Variants in CYP2B6 observed in about 807,000 individuals in gnomAD.
CYP2B6 encodes cytochrome P450 family 2 subfamily B member 6.
Under a neutral mutation model 43.4 loss-of-function variants are expected in CYP2B6, and 35 were observed. The observed-to-expected ratio is 0.81, with a 90% CI of 0.62 to 1.07. The LOEUF is 1.07. CYP2B6 is among the 50% of genes least tolerant of loss of function. The pLI, the probability that CYP2B6 is intolerant of heterozygous loss-of-function variation, is 0.00. For synonymous variants in CYP2B6, 239 were observed against 239.2 expected (o/e 1.00, Z 0.01); for missense variants, 624 against 632.8 (o/e 0.99, Z 0.15).
chr19:41,012,748 T>C lies in CYP2B6; in HGVS notation c.1227T>C (p.Asn409=), dbSNP rs1335878430. 1 of 1,614,184 alleles carries C rather than the reference T, an allele frequency of 6.2e-7. No homozygotes were observed. Among genetic ancestry groups the C allele is most frequent in the Admixed American group, 1.7e-5 (1 of 60,020 alleles). Residue 409 remains asparagine, a synonymous_variant, in exon 8 of 9, where the codon AAT becomes AAC. Coordinates refer to ENST00000324071, the MANE Select transcript of CYP2B6 (RefSeq NM_000767.5). ...PHYFEKPDAF[N]PDHFLDANGA... ...ACTTTGAAAAACCAGACGCCTTCAA[T>C]CCTGACCACTTTCTGGATGCCAATG... is the stretch of plus-strand genomic sequence containing the variant.
At chr19:41,006,119 AG>A in intron 3 of CYP2B6, among the ~76,000 whole-genome samples, 1 of 152,046 alleles carries the variant, frequency 6.6e-6, no homozygotes, top group Non-Finnish European at 1.5e-5. Flanking sequence ...GAAGAGATTA[AG>A]GGGGAGTAAT....
At chr19:41,016,399 C>CAAAAAAAAA (rs869180190) in intron 8 of CYP2B6, among the ~76,000 whole-genome samples, 51 of 76,862 alleles carry the variant, frequency 6.6e-4, no homozygotes, top group Non-Finnish European at 1.0e-3. Flanking sequence ...GACTCCATCT[C>CAAAAAAAAA]AAAAAAAAAA....
At position 40,991,285 on chromosome 19, in the gene CYP2B6, C is replaced by A. The variant is rs759060032; in HGVS notation, c.-21C>A. 3.1e-6 allele frequency: 5 copies of A among 1,613,796 alleles called. No homozygotes were observed. Among genetic ancestry groups the A allele is most frequent in the Non-Finnish European group, 4.2e-6 (5 of 1,179,934 alleles). On this transcript the variant is annotated 5_prime_UTR_variant, in exon 1 of 9. Transcript: ENST00000324071. ...CCCAGTTGGAGGCTGCAGCAGGGTGCAGGGCAGTCAGACCAGGACCATGGA... is the reference window on the plus strand; with the variant it reads ...CCCAGTTGGAGGCTGCAGCAGGGTGAAGGGCAGTCAGACCAGGACCATGGA...
At chr19:41,006,141 G>A (rs1170796723) in intron 3 of CYP2B6, among the ~76,000 whole-genome samples, 2 of 151,884 alleles carry the variant, frequency 1.3e-5, no homozygotes, top group Admixed American at 6.6e-5. Flanking sequence ...AGGTAGGGGT[G>A]GAAAGATGGT....
rs1969137481 is a variant in CYP2B6 at position 41,004,125 on chromosome 19, G to GA, written c.301dup (p.Ile101AsnfsTer118). Reference sequence around the variant, plus strand: ...AAGGCTGAGGCCTTCTCTGGCCGGGGAAAAATCGCCATGGTCGACCCATTC... The same window carrying GA: ...AAGGCTGAGGCCTTCTCTGGCCGGGGAAAAAATCGCCATGGTCGACCCATTC... On this transcript the variant is annotated frameshift_variant, in exon 2 of 9. Coordinates refer to ENST00000324071, the MANE Select transcript of CYP2B6 (RefSeq NM_000767.5). LOFTEE classifies it high-confidence loss of function. 1 of 1,380,236 alleles carries GA rather than the reference G, an allele frequency of 7.2e-7. No individual in the cohort carries two copies. The highest frequency in any genetic ancestry group is 9.6e-7 in the Non-Finnish European group (1 of 1,044,306). The allele number at this position is 1,380,236 out of a possible 1,614,324, so 85.5% of individuals were successfully genotyped here.
chr19:41,002,189 T>G (rs570051761), intron 1 of CYP2B6, among the ~76,000 whole-genome samples: 5 of 152,214 alleles, frequency 3.3e-5, no homozygotes, highest in South Asian at 4.1e-4. Flanking sequence ...TGGATATTAA[T>G]TATTTTACAT....
Position 41,009,266 on chromosome 19 carries a change from C to G in CYP2B6, c.693C>G (p.His231Gln), listed in dbSNP as rs1969240411. Residue 231 changes from histidine to glutamine, a missense_variant, in exon 5 of 9, where the codon CAC becomes CAG. By Grantham distance (24) the His-to-Gln change is conservative (BLOSUM62 0). Transcript: ENST00000324071. ...SGFLKYFPGA[H>Q]RQVYKNLQEI... is the part of the protein sequence containing the mutation. Reference sequence around the variant, plus strand: ...TCTTGAAATACTTTCCTGGGGCACACAGGCAAGTTTACAAAAACCTGCAGG... The same window carrying G: ...TCTTGAAATACTTTCCTGGGGCACAGAGGCAAGTTTACAAAAACCTGCAGG... 1 of 1,612,880 alleles carries G rather than the reference C, an allele frequency of 6.2e-7. No homozygotes were observed. Among genetic ancestry groups the G allele is most frequent in the Non-Finnish European group, 8.5e-7 (1 of 1,179,526 alleles).
rs185003761 is a variant in CYP2B6, at chr19:41,004,808, A to G, written c.484+362A>G. ...GTTGGAGAACAGCCTGGGCAACATA[A>G]TGAGATCCTGTCTCTACACAATATA... On this transcript the variant is annotated intron_variant, in intron 3 of 8. Coordinates refer to ENST00000324071, the MANE Select transcript of CYP2B6 (RefSeq NM_000767.5). 2.6e-3 allele frequency among the ~76,000 whole-genome samples: 395 copies of G among 152,064 alleles called. 5 individuals carry two copies. The highest frequency in any genetic ancestry group is 3.6e-3 in the Non-Finnish European group (245 of 67,984).
chr19:41,010,541 G>T lies in CYP2B6; in HGVS notation c.964+406G>T, dbSNP rs34842746. On this transcript the variant is annotated intron_variant, in intron 6 of 8. Transcript: ENST00000324071. ...CCATTCTCCTGCCTCAGCTTCCCGA[G>T]TAGCTGGAACTACAGGCGCCTGCCA... Among the ~76,000 whole-genome samples, 1,397 of 151,800 alleles carry T rather than the reference G, an allele frequency of 9.2e-3. 13 individuals are homozygous for T. Among genetic ancestry groups the T allele is most frequent in the Middle Eastern group, 0.034 (10 of 290 alleles).
chr19:41,000,876 T>TA (rs1969073087), intron 1 of CYP2B6, among the ~76,000 whole-genome samples: 1 of 151,864 alleles, frequency 6.6e-6, no homozygotes, highest in Non-Finnish European at 1.5e-5. Flanking sequence ...CTGTCTGTAC[T>TA]AAAAAACACA....
chr19:41,011,172 C>T (rs1356585648), intron 6 of CYP2B6, among the ~76,000 whole-genome samples: 1 of 152,198 alleles, frequency 6.6e-6, no homozygotes, highest in East Asian at 1.9e-4. Flanking sequence ...AGGTTTCACT[C>T]TTATCCTTCC....
chr19:41,016,865 A>G lies in CYP2B6; in HGVS notation c.*38A>G. ...AAGGGGGTCAAAGGATTCCAGGGTC[A>G]TTCAGTGTCCCCGCCTCTGTAGACA... On this transcript the variant is annotated 3_prime_UTR_variant, in exon 9 of 9. Transcript: ENST00000324071. 6.3e-7 allele frequency: 1 copy of G among 1,580,754 alleles called. No homozygotes were observed. Among genetic ancestry groups the G allele is most frequent in the South Asian group, 1.1e-5 (1 of 88,648 alleles).
intron 8 of CYP2B6, among the ~76,000 whole-genome samples, chr19:41,016,318 A>G (rs1599854362): frequency 6.8e-6 from 1 of 146,736 alleles, no homozygotes; most frequent in East Asian, 2.1e-4. Context: ...AATCATTTGA[A>G]CCACCTGGGA....
At chr19:41,003,498 G>T (rs1193686378) in intron 1 of CYP2B6, among the ~76,000 whole-genome samples, 1 of 152,108 alleles carries the variant, frequency 6.6e-6, no homozygotes, top group Non-Finnish European at 1.5e-5. Flanking sequence ...TTAGCTGCAG[G>T]TAACTGAAAC....
In CYP2B6 at chr19:41,012,243, C is replaced by A. The variant is rs755993955; in HGVS notation, c.965-55C>A. The A allele has an allele frequency of 1.9e-6, 3 of 1,566,798 alleles. No individual in the cohort carries two copies. The African/African-American group carries it at 4.1e-5, about 21-fold the overall frequency. On this transcript the variant is annotated intron_variant, in intron 6 of 8. Transcript: ENST00000324071. ...GGGATTACAGGCATGAGCCACCATG[C>A]CTGGCCTGAAATGCCTCTTTAAAAT...
At chr19:40,996,028 A>G (rs1968994907) in intron 1 of CYP2B6, among the ~76,000 whole-genome samples, 1 of 152,176 alleles carries the variant, frequency 6.6e-6, no homozygotes, top group Non-Finnish European at 1.5e-5. Flanking sequence ...CATTTCTTAC[A>G]TCTTGAGAAA....
rs1396279340 is a variant in CYP2B6, at chr19:40,991,361, T to G, written c.56T>G (p.Leu19Arg). 6.2e-7 allele frequency: 1 copy of G among 1,614,120 alleles called. No individual in the cohort carries two copies. Among genetic ancestry groups the G allele is most frequent in the African/African-American group, 1.3e-5 (1 of 74,986 alleles). The change falls in exon 1 of 9, where the codon CTG becomes CGG. Residue 19 changes from leucine (L) to arginine (R), a missense_variant. By Grantham distance (102) the Leu-to-Arg change is moderately radical. Transcript: ENST00000324071. The stretch of plus-strand genomic sequence containing the variant: ...CTCCTCACAGGACTCTTGCTACTCC[T>G]GGTTCAGCGCCACCCTAACACCCAT... ...LALLTGLLLL[L>R]VQRHPNTHDR...
chr19:41,002,906 C>T (rs1969117726), intron 1 of CYP2B6, among the ~76,000 whole-genome samples: 1 of 152,082 alleles, frequency 6.6e-6, no homozygotes, highest in South Asian at 2.1e-4. Context: ...TGCCTAGTTG[C>T]TTCCACTCAA....
In CYP2B6 at chr19:41,016,677, C is replaced by T. The variant is rs1476466408; in HGVS notation, c.1326C>T (p.Ala442=). 3 of 1,614,104 alleles carry T rather than the reference C, an allele frequency of 1.9e-6. No homozygotes were observed. The highest frequency in any genetic ancestry group is 4.5e-5 in the East Asian group (2 of 44,892). ...GKRICLGEGI[A]RAELFLFFTT... ...GGATTTGTCTTGGTGAAGGCATCGC[C>T]CGTGCGGAATTGTTCCTCTTCTTCA... Residue 442 remains alanine (A), a synonymous_variant, in exon 9 of 9, where the codon GCC becomes GCT. Coordinates refer to ENST00000324071, the MANE Select transcript of CYP2B6 (RefSeq NM_000767.5).
Sources: gnomAD v4.1 joint callset for allele counts (sites outside exome capture counted in the v4.1 genomes callset) on GRCh38, gnomAD v4.1.1 for gene constraint, MANE v1.5 for transcripts, NCBI Gene and HGNC (gene_info 2026-07-23, HGNC 2026-07-21) for gene names.